Variants in HDGFL3 observed in about 807,000 individuals in gnomAD.
HDGFL3 encodes hepatoma-derived growth factor-related protein 3.
HDGFL3 carries 6 observed loss-of-function variants against 27.6 expected under a neutral mutation model. The observed-to-expected ratio is 0.22, with a 90% CI of 0.12 to 0.43. The LOEUF (loss-of-function observed/expected upper bound fraction) is 0.43. Ranked by LOEUF, HDGFL3 falls within the 20% of genes least tolerant of loss-of-function variation. The pLI is 1.00. For missense variants in HDGFL3, 207 were observed against 250.1 expected, an observed-to-expected ratio of 0.83 and a Z score of 1.16; for synonymous variants, 88 against 88.9, an observed-to-expected ratio of 0.99 and a Z score of 0.05.
chr15:83,113,370 G>T (rs8025060), exon 4 of HDGFL3: 3 of 158,116 alleles, frequency 1.9e-5, no homozygotes, highest in Admixed American at 6.1e-5. Context: ...CACTTTAGCA[G>T]CAGGCTTTCA....
intron 5 of HDGFL3, among the ~76,000 whole-genome samples, chr15:83,145,053 A>C (rs910512232): frequency 2.0e-5 from 3 of 151,682 alleles, no homozygotes. Flanking sequence ...GTACTCAGAG[A>C]GCCTCTGGGA....
In HDGFL3 at chr15:83,129,095, G is replaced by A. The variant is rs1330575857; in HGVS notation, c.*10175C>T. On this transcript the variant is annotated 3_prime_UTR_variant, in exon 6 of 6. Coordinates refer to ENST00000299633, the MANE Select transcript of HDGFL3 (RefSeq NM_016073.4). The stretch of plus-strand genomic sequence containing the variant: ...TCCTCCTGCCTCAGCCTCCCAAAGT[G>A]GTAGGATTACAGGTGTGAGCCACCA... 3 of 152,116 alleles carry A rather than the reference G, an allele frequency of 2.0e-5. No individual in the cohort carries two copies. The highest frequency in any genetic ancestry group is 4.4e-5 in the Non-Finnish European group (3 of 68,048). 9.4% of individuals were successfully genotyped at this position (152,116 alleles called of 1,614,324 possible).
chr15:83,148,738 A>G (rs1217997315), intron 5 of HDGFL3, among the ~76,000 whole-genome samples: 2 of 152,224 alleles, frequency 1.3e-5, no homozygotes, highest in Non-Finnish European at 2.9e-5. Flanking sequence ...ATTATACAGT[A>G]GTTAAAATAG....
At chr15:83,150,730 T>TA (rs1302977776) in intron 5 of HDGFL3, among the ~76,000 whole-genome samples, 1 of 152,208 alleles carries the variant, frequency 6.6e-6, no homozygotes, top group Non-Finnish European at 1.5e-5. Context: ...AGAGTCATCA[T>TA]AGACAAATTT....
At chr15:83,119,237 C>T (rs2034991243) in intron 3 of HDGFL3, among the ~76,000 whole-genome samples, 3 of 152,314 alleles carry the variant, frequency 2.0e-5, no homozygotes, top group Middle Eastern at 6.8e-3. Flanking sequence ...CTGCCAAGCA[C>T]CTTGTGTCAA....
intron 4 of HDGFL3, among the ~76,000 whole-genome samples, chr15:83,157,080 T>C (rs1014351353): frequency 2.0e-4 from 31 of 152,196 alleles, no homozygotes; most frequent in African/African-American, 6.3e-4. Context: ...TTGAATTATA[T>C]TGTGTTTCCT....
chr15:83,197,333 GAGTC>G (rs1261515204), intron 1 of HDGFL3, among the ~76,000 whole-genome samples: 1 of 152,126 alleles, frequency 6.6e-6, no homozygotes, highest in African/African-American at 2.4e-5. Flanking sequence ...TATTTTATGT[GAGTC>G]AGTGAGCCAG....
chr15:83,121,528 G>GT (rs1167563024), intron 3 of HDGFL3, among the ~76,000 whole-genome samples: 1 of 152,134 alleles, frequency 6.6e-6, no homozygotes, highest in Non-Finnish European at 1.5e-5. Context: ...CATTATCATT[G>GT]TAAGTATAAC....
Position 83,207,762 on chromosome 15 carries a change from C to A in HDGFL3, c.-348G>T. The A allele has an allele frequency of 6.7e-6, 1 of 150,338 alleles. No homozygotes were observed. The highest frequency in any genetic ancestry group is 1.8e-4 in the South Asian group (1 of 5,602). 9.3% of individuals were successfully genotyped at this position (150,338 alleles called of 1,614,324 possible). ...GCCTCATGCCGCCGCTGCCGGTCTC[C>A]CTCCCGGGCTCCCGGGCGCGGCGCG... On this transcript the variant is annotated 5_prime_UTR_variant, in exon 1 of 6. Coordinates refer to ENST00000299633, the MANE Select transcript of HDGFL3 (RefSeq NM_016073.4). This position sits in a 1 kb window ranked among gnomAD's most constrained non-coding sequence, Gnocchi z 4.8.
chr15:83,205,282 C>G lies in HDGFL3; in HGVS notation c.84+2049G>C, dbSNP rs190247111. Among the ~76,000 whole-genome samples, 300 of 152,242 alleles carry G rather than the reference C, an allele frequency of 2.0e-3. 1 individual carries two copies. Among genetic ancestry groups the G allele is most frequent in the African/African-American group, 6.9e-3 (287 of 41,532 alleles). ...ACTCAAATCTTTTTCTAACCTTTAC[C>G]TTTGGAAATTGCAGCATGCCACTAA... On this transcript the variant is annotated intron_variant, in intron 1 of 5. Coordinates refer to ENST00000299633, the MANE Select transcript of HDGFL3 (RefSeq NM_016073.4).
chr15:83,164,831 C>T (rs1051367301), intron 1 of HDGFL3, among the ~76,000 whole-genome samples: 2 of 152,176 alleles, frequency 1.3e-5, no homozygotes, highest in African/African-American at 4.8e-5. Context: ...TAGAATGTTT[C>T]AAGAAAGGTT....
intron 5 of HDGFL3, among the ~76,000 whole-genome samples, chr15:83,148,406 G>A (rs1040198492): frequency 1.1e-4 from 17 of 152,092 alleles, no homozygotes; most frequent in Non-Finnish European, 2.2e-4. Context: ...CAGATCACGA[G>A]GTCAGGAGAT....
chr15:83,171,614 T>C (rs2037247104), intron 1 of HDGFL3, among the ~76,000 whole-genome samples: 1 of 152,224 alleles, frequency 6.6e-6, no homozygotes, highest in Non-Finnish European at 1.5e-5. Context: ...CTGGAGGCCA[T>C]TATCTTAAGC....
rs1297227780 is a variant in HDGFL3 at position 83,134,606 on chromosome 15, C to T, written c.*4664G>A. 2.6e-5 allele frequency: 4 copies of T among 152,166 alleles called. No individual in the cohort carries two copies. Among genetic ancestry groups the T allele is most frequent in the Non-Finnish European group, 5.9e-5 (4 of 68,042 alleles). The allele number at this position is 152,166 out of a possible 1,614,324, so 9.4% of individuals were successfully genotyped here. ...CTGGTTAGTGCAGGAAAAGAGCCTACGGAATCACTGACTTTTTACACAGGC... is the reference window on the plus strand; with the variant it reads ...CTGGTTAGTGCAGGAAAAGAGCCTATGGAATCACTGACTTTTTACACAGGC... On this transcript the variant is annotated 3_prime_UTR_variant, in exon 6 of 6. Transcript: ENST00000299633.
rs1003383005 is a variant in HDGFL3 at position 83,120,814 on chromosome 15, C to T, written c.394-5073G>A. 1.3e-5 allele frequency among the ~76,000 whole-genome samples: 2 copies of T among 152,010 alleles called. 1 individual carries two copies. The highest frequency in any genetic ancestry group is 2.9e-5 in the Non-Finnish European group (2 of 68,018). The stretch of plus-strand genomic sequence containing the variant: ...CTCCTGACCTCTGGTGATCTGCCCG[C>T]CTCAGCCTCCCAAAGTGCTGGGATT... On this transcript the variant is annotated intron_variant, in intron 3 of 3. Coordinates refer to the HDGFL3 transcript ENST00000568294.
intron 1 of HDGFL3, among the ~76,000 whole-genome samples, chr15:83,197,871 T>C (rs2037590715): frequency 6.6e-6 from 1 of 150,630 alleles, no homozygotes; most frequent in Non-Finnish European, 1.5e-5. Flanking sequence ...CCATCTCTAC[T>C]AAACATCTAA....
chr15:83,184,799 C>T (rs748319765), intron 1 of HDGFL3: 8 of 152,196 alleles, frequency 5.3e-5, no homozygotes, highest in Non-Finnish European at 7.3e-5. Flanking sequence ...TGGAACTACT[C>T]GAGCGTCAGT....
chr15:83,176,072 T>C (rs994765091), intron 1 of HDGFL3, among the ~76,000 whole-genome samples: 1 of 152,218 alleles, frequency 6.6e-6, no homozygotes, highest in African/African-American at 2.4e-5. Context: ...GTCTTTTGCC[T>C]TGTAGAGGAA....
chr15:83,192,512 A>C (rs1242586912), intron 1 of HDGFL3, among the ~76,000 whole-genome samples: 2 of 152,216 alleles, frequency 1.3e-5, no homozygotes, highest in Non-Finnish European at 2.9e-5. Flanking sequence ...CAATAAAATA[A>C]GAAAAAAGGC....
Sources: allele counts gnomAD v4.1 joint callset (sites outside exome capture counted in the v4.1 genomes callset), GRCh38; gene constraint gnomAD v4.1.1; non-coding constraint Gnocchi (gnomAD v3.1); transcripts MANE v1.5; gene names NCBI Gene and HGNC (gene_info 2026-07-23, HGNC 2026-07-21).